Variants in KDM2A observed in about 807,000 individuals in gnomAD.
KDM2A encodes the protein lysine-specific demethylase 2A.
A neutral mutation model predicts 137.3 loss-of-function variants in KDM2A; 3 were observed. The observed-to-expected ratio is 0.02, with a 90% CI of 0.01 to 0.06. The LOEUF is 0.06. Ranked by LOEUF, KDM2A falls within the 10% of genes least tolerant of loss-of-function variation. KDM2A has a pLI of 1.00. For missense variants in KDM2A, 738 were observed against 1,510.6 expected (o/e 0.49, Z 8.48); for synonymous variants, 512 against 541.5 (o/e 0.95, Z 0.76).
chr11:67,246,544 A>G (rs1296559668), intron 15 of KDM2A, among the ~76,000 whole-genome samples: 2 of 152,074 alleles, frequency 1.3e-5, no homozygotes, highest in African/African-American at 4.8e-5. Context: ...CTGAGTCTGT[A>G]TCAGACTCAG....
chr11:67,156,581 T>C (rs1856519697), intron 2 of KDM2A, among the ~76,000 whole-genome samples: 1 of 151,728 alleles, frequency 6.6e-6, no homozygotes, highest in African/African-American at 2.4e-5. Context: ...TAGCCGGGCG[T>C]GGTGGTAGGC....
At chr11:67,218,550 T>G (rs928415001) in intron 9 of KDM2A, among the ~76,000 whole-genome samples, 32 of 152,084 alleles carry the variant, frequency 2.1e-4, no homozygotes, top group Non-Finnish European at 2.9e-5. Context: ...TTTTTTTTTT[T>G]GCAATTATTT....
rs910099272 is a variant in KDM2A at position 67,224,227 on chromosome 11, G to A, written c.958-3810G>A. ...GTAGGTGAAGTCATCCCTACAATATGGGAGGAGATGGGAACATTCTCAGGA... is the reference window on the plus strand; with the variant it reads ...GTAGGTGAAGTCATCCCTACAATATAGGAGGAGATGGGAACATTCTCAGGA... On this transcript the variant is annotated intron_variant, in intron 10 of 20. Transcript: ENST00000529006. Among the ~76,000 whole-genome samples, 4 of 152,262 alleles carry A rather than the reference G, an allele frequency of 2.6e-5. No individual in the cohort carries two copies. In the East Asian group the frequency reaches 5.8e-4, roughly 22 times the overall value.
intron 2 of KDM2A, among the ~76,000 whole-genome samples, chr11:67,168,951 GTTTTTTTTT>G (rs11335055): frequency 3.2e-5 from 2 of 62,230 alleles, no homozygotes; most frequent in Non-Finnish European, 6.3e-5. Flanking sequence ...AATCCATGTA[GTTTTTTTTT>G]TTTTTTTTTT....
chr11:67,121,034 G>A (rs571452924), intron 1 of KDM2A, among the ~76,000 whole-genome samples, 200 bp from the exon 2 acceptor site: 1 of 152,176 alleles, frequency 6.6e-6, no homozygotes, highest in African/African-American at 2.4e-5. Flanking sequence ...GTTTCGTCTA[G>A]GCCTCCGACA....
chr11:67,189,593 A>C (rs1186135909), intron 5 of KDM2A, among the ~76,000 whole-genome samples: 1 of 152,118 alleles, frequency 6.6e-6, no homozygotes, highest in Non-Finnish European at 1.5e-5. Context: ...TAATCCTAGC[A>C]CTTTGGCAGG....
chr11:67,131,382 T>C (rs1020159926), intron 2 of KDM2A, among the ~76,000 whole-genome samples: 1 of 151,488 alleles, frequency 6.6e-6, no homozygotes, highest in Non-Finnish European at 1.5e-5. Context: ...GTACTTTCTC[T>C]CTTTTGAGGC....
chr11:67,222,027 A>G (rs1356530151), intron 10 of KDM2A, among the ~76,000 whole-genome samples: 1 of 149,718 alleles, frequency 6.7e-6, no homozygotes, highest in Non-Finnish European at 1.5e-5. Context: ...GTATAATTCC[A>G]TAGTAAAATA....
At chr11:67,138,757 C>T (rs1398516355) in intron 2 of KDM2A, among the ~76,000 whole-genome samples, 1 of 152,026 alleles carries the variant, frequency 6.6e-6, no homozygotes, top group Non-Finnish European at 1.5e-5. Flanking sequence ...TTCTTGGATC[C>T]TACCCCAAAC....
At chr11:67,242,926 G>A in intron 12 of KDM2A, 83 bp from the exon 13 acceptor site, 1 of 1,033,934 alleles carries the variant, frequency 9.7e-7, no homozygotes, top group Admixed American at 1.7e-5. Flanking sequence ...AGGGTACTGA[G>A]GCAGAGTCTG....
chr11:67,137,353 G>A (rs1458494460), intron 2 of KDM2A, among the ~76,000 whole-genome samples: 1 of 152,172 alleles, frequency 6.6e-6, no homozygotes, highest in East Asian at 1.9e-4. Context: ...AAGGGTCAGG[G>A]AGAGGGCAAG....
intron 2 of KDM2A, among the ~76,000 whole-genome samples, chr11:67,168,721 TGGCAGCAGTGCTG>T (rs926420664): frequency 1.3e-5 from 2 of 151,092 alleles, no homozygotes; most frequent in Non-Finnish European, 2.9e-5. Context: ...GTGTGTGACC[TGGCAGCAGTGCTG>T]GGTTTTCAAA....
rs1859192515 is a variant in KDM2A at position 67,245,999 on chromosome 11, C to T, written c.1848C>T (p.His616=). 6.2e-7 allele frequency: 1 copy of T among 1,613,996 alleles called. No individual in the cohort carries two copies. Among genetic ancestry groups the T allele is most frequent in the Non-Finnish European group, 8.5e-7 (1 of 1,179,860 alleles). The change falls in exon 15 of 21, where the codon CAC becomes CAT. Residue 616 remains histidine, a synonymous_variant. Coordinates refer to ENST00000529006, the MANE Select transcript of KDM2A (RefSeq NM_012308.3). The surrounding 1 kb of genome is among the most constrained non-coding windows in gnomAD (Gnocchi z 4.1). ...TCCTCTTGTAGCCCAGACTGCCTCA[C>T]TCAGTCACATGTTCCCTCTGTGGAG... ...LRQCLAPRLP[H]SVTCSLCGEV... is the part of the protein sequence containing the mutation.
chr11:67,170,940 C>A (rs1856868987), intron 2 of KDM2A, among the ~76,000 whole-genome samples: 1 of 152,102 alleles, frequency 6.6e-6, no homozygotes, highest in Admixed American at 6.6e-5. Context: ...GGTTCTAGAT[C>A]CTAGCCACAT....
chr11:67,144,467 G>C (rs1303110679), intron 2 of KDM2A, among the ~76,000 whole-genome samples: 3 of 151,832 alleles, frequency 2.0e-5, no homozygotes, highest in Non-Finnish European at 4.4e-5. Context: ...GGTCAGGCTG[G>C]TCTTGAACTC....
chr11:67,185,654 T>G (rs970578787), intron 5 of KDM2A, among the ~76,000 whole-genome samples: 32 of 151,226 alleles, frequency 2.1e-4, no homozygotes, highest in Admixed American at 2.0e-3. Context: ...AAAAAAAAAG[T>G]TATCCCTTCC....
Position 67,254,350 on chromosome 11 carries a change from A to T in KDM2A, c.3239A>T (p.Gln1080Leu). ...DLSHCSHLTD[Q>L]SSNLLTAVGS... is the part of the protein sequence containing the mutation. ...AGTCACTGCAGCCACCTTACAGATC[A>T]GTCCTCCAATCTACTCACTGCTGTC... Residue 1080 changes from glutamine (Q) to leucine (L), a missense_variant, in exon 20 of 21, where the codon CAG (glutamine) becomes CTG (leucine). Physicochemically the swap from Gln to Leu is moderately radical, Grantham distance 113. This residue lies in a region of KDM2A where 166 missense variants were observed against 324.0 expected (regional missense o/e 0.51). Transcript: ENST00000529006. This position sits in a 1 kb window ranked among gnomAD's most constrained non-coding sequence, Gnocchi z 4.7. 6.2e-7 allele frequency: 1 copy of T among 1,614,030 alleles called. No homozygotes were observed.
intron 10 of KDM2A, among the ~76,000 whole-genome samples, chr11:67,220,363 C>A (rs948720051): frequency 1.3e-5 from 2 of 152,054 alleles, no homozygotes; most frequent in Admixed American, 1.3e-4. Context: ...ATCTCTTGAG[C>A]CATGTGTTTC....
chr11:67,209,459 T>A (rs1455055138), intron 6 of KDM2A, among the ~76,000 whole-genome samples: 4 of 150,818 alleles, frequency 2.7e-5, no homozygotes, highest in East Asian at 3.9e-4. Flanking sequence ...TATTATTATT[T>A]TTGAGACAGG....
Sources: allele counts gnomAD v4.1 joint callset (sites outside exome capture counted in the v4.1 genomes callset), GRCh38; gene constraint gnomAD v4.1.1; regional missense constraint gnomAD v4.1.1; non-coding constraint Gnocchi (gnomAD v3.1); transcripts MANE v1.5; gene names NCBI Gene and HGNC (gene_info 2026-07-23, HGNC 2026-07-21).